The following MYO16 variants were observed in gnomAD, a reference collection of about 807,000 sequenced individuals.
MYO16 encodes myosin XVI.
A neutral mutation model predicts 205.3 loss-of-function variants in MYO16; 94 were observed. That is an observed-to-expected ratio of 0.46 (90% CI 0.39 to 0.54). The LOEUF (loss-of-function observed/expected upper bound fraction) is 0.54, where lower values mean the gene tolerates loss of function less well. Among genes scored for constraint, MYO16 ranks in the 20% least tolerant of loss-of-function variants. MYO16 has a pLI of 0.00. For missense variants in MYO16, 2,315 were observed against 2,387.5 expected (o/e 0.97, Z 0.63); for synonymous variants, 988 against 954.0 (o/e 1.04, Z -0.66).
intron 3 of MYO16, among the ~76,000 whole-genome samples, chr13:108,720,247 G>C (rs1305616068): frequency 6.6e-6 from 1 of 152,182 alleles, no homozygotes; most frequent in Non-Finnish European, 1.5e-5. Flanking sequence ...AAGTGGACGA[G>C]AGTTTGCAAA....
chr13:108,843,967 G>A (rs1185715533), intron 9 of MYO16, among the ~76,000 whole-genome samples: 1 of 151,794 alleles, frequency 6.6e-6, no homozygotes, highest in Non-Finnish European at 1.5e-5. Flanking sequence ...ATACAATTAT[G>A]CCTTTATTCA....
chr13:108,772,109 G>A (rs1328313604), intron 4 of MYO16, among the ~76,000 whole-genome samples: 1 of 152,186 alleles, frequency 6.6e-6, no homozygotes, highest in East Asian at 1.9e-4. Flanking sequence ...CCAGCACTTT[G>A]GGAAGATGAG....
At chr13:108,871,304 T>C (rs992833380) in intron 12 of MYO16, among the ~76,000 whole-genome samples, 1 of 149,728 alleles carries the variant, frequency 6.7e-6, no homozygotes, top group Non-Finnish European at 1.5e-5. Context: ...TATTGAGGTC[T>C]GTTTCTACTA....
intron 2 of MYO16, among the ~76,000 whole-genome samples, chr13:108,706,472 C>T (rs185937303): frequency 3.9e-5 from 6 of 152,228 alleles, no homozygotes; most frequent in Admixed American, 2.0e-4. Context: ...GTTTTCAGAA[C>T]AAATTCAAGA....
At chr13:108,692,409 C>T (rs1882932908) in intron 2 of MYO16, among the ~76,000 whole-genome samples, 1 of 152,136 alleles carries the variant, frequency 6.6e-6, no homozygotes. Context: ...AAATAAAATG[C>T]TCTTCATGCG....
intron 5 of MYO16, among the ~76,000 whole-genome samples, chr13:108,791,729 C>T (rs1886622569): frequency 1.3e-5 from 2 of 152,208 alleles, no homozygotes; most frequent in African/African-American, 2.4e-5. Flanking sequence ...ATGCAACACG[C>T]TTGATGTGGT....
intron 31 of MYO16, among the ~76,000 whole-genome samples, chr13:109,136,575 C>T (rs1876787893): frequency 6.6e-6 from 1 of 152,222 alleles, no homozygotes; most frequent in Non-Finnish European, 1.5e-5. Flanking sequence ...AACTTTAACA[C>T]TGCCTGGAAA....
At chr13:108,934,452 T>C (rs1189758100) in intron 16 of MYO16, among the ~76,000 whole-genome samples, 1 of 152,208 alleles carries the variant, frequency 6.6e-6, no homozygotes, top group Admixed American at 6.5e-5. Context: ...ATTTGTTTTT[T>C]GCTTGTTCAA....
chr13:108,588,194 G>A, the MYO16 span, among the ~76,000 whole-genome samples: 1 of 152,156 alleles, frequency 6.6e-6, no homozygotes. Context: ...ACTTGTCAGA[G>A]TATTAAATGC....
At chr13:109,024,083 TATAC>T (rs1414196193) in intron 23 of MYO16, among the ~76,000 whole-genome samples, 1 of 147,386 alleles carries the variant, frequency 6.8e-6, no homozygotes, top group East Asian at 2.0e-4. Flanking sequence ...TATAAATTTA[TATAC>T]ATAAACTATA....
rs1196248161 is a variant in MYO16 at position 109,089,402 on chromosome 13, C to T, written c.3336-11383C>T. On this transcript the variant is annotated intron_variant, in intron 27 of 34. Coordinates refer to ENST00000457511, the MANE Select transcript of MYO16 (RefSeq NM_001198950.3). ...CTAATTTTTGTATTTTTAGTAGAGA[C>T]GGGGTTTCGCCATTTTGGGCCAAGC... 6.6e-5 allele frequency among the ~76,000 whole-genome samples: 10 copies of T among 151,846 alleles called. No individual in the cohort carries two copies. The South Asian group carries it at 1.0e-3, about 16-fold the overall frequency.
chr13:108,742,473 C>T (rs998125165), intron 4 of MYO16, among the ~76,000 whole-genome samples: 1 of 152,004 alleles, frequency 6.6e-6, no homozygotes, highest in Non-Finnish European at 1.5e-5. Context: ...TTTTCACTTA[C>T]ATTTTTATTA....
chr13:109,066,384 C>T (rs1417174109), intron 27 of MYO16, among the ~76,000 whole-genome samples: 2 of 152,196 alleles, frequency 1.3e-5, no homozygotes, highest in Non-Finnish European at 2.9e-5. Context: ...TTTGCCAAAT[C>T]TAACCATTTT....
At chr13:108,991,024 C>T (rs1884810141) in intron 20 of MYO16, among the ~76,000 whole-genome samples, 1 of 152,108 alleles carries the variant, frequency 6.6e-6, no homozygotes, top group South Asian at 2.1e-4. Flanking sequence ...ATAATAATAA[C>T]AGAACAGTGT....
At chr13:109,000,116 T>A (rs989777222) in intron 21 of MYO16, among the ~76,000 whole-genome samples, 1 of 152,216 alleles carries the variant, frequency 6.6e-6, no homozygotes, top group Non-Finnish European at 1.5e-5. Context: ...TCTATCAGAT[T>A]ACTTTAGAGA....
the MYO16 span, among the ~76,000 whole-genome samples, chr13:108,538,938 C>T: frequency 6.6e-6 from 1 of 151,988 alleles, no homozygotes; most frequent in Non-Finnish European, 1.5e-5. Context: ...TAAATCTTCC[C>T]TTTTTGAGTT....
intron 28 of MYO16, among the ~76,000 whole-genome samples, chr13:109,114,469 C>T (rs557193970): frequency 3.3e-5 from 5 of 152,290 alleles, no homozygotes; most frequent in South Asian, 2.1e-4. Flanking sequence ...GAATGTCATA[C>T]GTCCTCTCTA....
chr13:108,920,250 A>G (rs1881679231), intron 16 of MYO16, among the ~76,000 whole-genome samples: 1 of 152,118 alleles, frequency 6.6e-6, no homozygotes, highest in African/African-American at 2.4e-5. Context: ...CGCTTCCAAA[A>G]TAGACCTCTG....
intron 23 of MYO16, among the ~76,000 whole-genome samples, chr13:109,021,517 A>G (rs914146457): frequency 7.2e-5 from 11 of 152,146 alleles, no homozygotes; most frequent in African/African-American, 2.7e-4. Context: ...TCTACTTCTG[A>G]GTCTTGTGCC....
Sources: gnomAD v4.1 joint callset for allele counts (sites outside exome capture counted in the v4.1 genomes callset) on GRCh38, gnomAD v4.1.1 for gene constraint, MANE v1.5 for transcripts, NCBI Gene and HGNC (gene_info 2026-07-23, HGNC 2026-07-21) for gene names.